ZNF366: variants seen among roughly 807,000 people sequenced by gnomAD.
ZNF366 encodes the protein zinc finger protein 366.
Under a neutral mutation model 47.2 loss-of-function variants are expected in ZNF366, and 20 were observed. That is an observed-to-expected ratio of 0.42 (90% CI 0.30 to 0.62). The LOEUF (loss-of-function observed/expected upper bound fraction) is 0.62, where lower values mean the gene tolerates loss of function less well. ZNF366 is among the 20% of genes least tolerant of loss of function. ZNF366 has a pLI of 0.16. For missense variants in ZNF366, 987 were observed against 976.3 expected, an observed-to-expected ratio of 1.01 and a Z score of -0.15; for synonymous variants, 421 against 395.1, an observed-to-expected ratio of 1.07 and a Z score of -0.78.
At chr5:72,490,500 G>A (rs1252422391) in intron 1 of ZNF366, among the ~76,000 whole-genome samples, 1 of 152,184 alleles carries the variant, frequency 6.6e-6, no homozygotes, top group African/African-American at 2.4e-5. Flanking sequence ...GAGGAGACAT[G>A]CTGAAAGATG....
At chr5:72,489,240 T>C (rs1417911249) in intron 1 of ZNF366, among the ~76,000 whole-genome samples, 1 of 151,582 alleles carries the variant, frequency 6.6e-6, no homozygotes, top group Non-Finnish European at 1.5e-5. Flanking sequence ...AAAAAAGAAA[T>C]AGTCCACAAT....
chr5:72,476,888 T>C (rs1050236795), intron 1 of ZNF366, among the ~76,000 whole-genome samples: 2 of 152,106 alleles, frequency 1.3e-5, no homozygotes, highest in Non-Finnish European at 2.9e-5. Context: ...GGCAGGATGC[T>C]TTCTCTCTGC....
Position 72,481,219 on chromosome 5 carries a change from G to A in ZNF366, c.-14-19709C>T, listed in dbSNP as rs187364993. Among the ~76,000 whole-genome samples the A allele has an allele frequency of 3.3e-3, 497 of 152,138 alleles. 2 individuals are homozygous for A. Among genetic ancestry groups the A allele is most frequent in the African/African-American group, 0.012 (478 of 41,500 alleles). ...ATATATTAAAAGACAAAATGTGTTGGTACCCGAATTAGATTAAGGTGAACA... is the reference window on the plus strand; with the variant it reads ...ATATATTAAAAGACAAAATGTGTTGATACCCGAATTAGATTAAGGTGAACA... On this transcript the variant is annotated intron_variant, in intron 1 of 4. Coordinates refer to ENST00000318442, the MANE Select transcript of ZNF366 (RefSeq NM_152625.3).
chr5:72,498,834 C>T (rs891590330), intron 1 of ZNF366, among the ~76,000 whole-genome samples: 5 of 152,218 alleles, frequency 3.3e-5, no homozygotes, highest in Non-Finnish European at 1.5e-5. Flanking sequence ...ACCACTGCTC[C>T]TCCCAAAATA....
intron 1 of ZNF366, among the ~76,000 whole-genome samples, chr5:72,483,023 C>T (rs1482004082): frequency 1.3e-5 from 2 of 152,156 alleles, no homozygotes. Context: ...GTCCTGTTCT[C>T]TTTCTCTGTA....
chr5:72,453,889 G>A (rs928004568), intron 3 of ZNF366, among the ~76,000 whole-genome samples: 11 of 152,118 alleles, frequency 7.2e-5, no homozygotes, highest in Non-Finnish European at 1.3e-4. Flanking sequence ...TCACAAGAAC[G>A]CCCTTTCACA....
chr5:72,489,829 C>G (rs1743969421), intron 1 of ZNF366, among the ~76,000 whole-genome samples: 2 of 152,200 alleles, frequency 1.3e-5, no homozygotes, highest in Admixed American at 6.5e-5. Flanking sequence ...TCAAGGGAAT[C>G]AGCCAGAAAG....
rs1247994196 is a variant in ZNF366 at position 72,507,238 on chromosome 5, A to G, written c.-15+13T>C. Reference sequence around the variant, plus strand: ...TTGAAAAGGAAGCAGAAATGATTGCATGGGTAACTTACCAGCTCCTGAGGT... The same window carrying G: ...TTGAAAAGGAAGCAGAAATGATTGCGTGGGTAACTTACCAGCTCCTGAGGT... On this transcript the variant is annotated intron_variant, in intron 1 of 4. Coordinates refer to ENST00000318442, the MANE Select transcript of ZNF366 (RefSeq NM_152625.3). 1.0e-6 allele frequency: 1 copy of G among 985,414 alleles called. No homozygotes were observed. Among genetic ancestry groups the G allele is most frequent in the African/African-American group, 1.7e-5 (1 of 57,236 alleles). 61.0% of individuals were successfully genotyped at this position (985,414 alleles called of 1,614,324 possible).
intron 3 of ZNF366, among the ~76,000 whole-genome samples, chr5:72,451,415 T>C (rs1743068475): frequency 6.6e-6 from 1 of 152,074 alleles, no homozygotes; most frequent in Non-Finnish European, 1.5e-5. Flanking sequence ...GATGTCAGAG[T>C]AGTGAGAGGA....
chr5:72,495,668 C>T (rs1037995003), intron 1 of ZNF366, among the ~76,000 whole-genome samples: 1 of 152,130 alleles, frequency 6.6e-6, no homozygotes, highest in East Asian at 1.9e-4. Flanking sequence ...AGAGGAATGT[C>T]GGCAGGCGAG....
At chr5:72,492,076 C>T (rs982973889) in intron 1 of ZNF366, among the ~76,000 whole-genome samples, 7 of 152,104 alleles carry the variant, frequency 4.6e-5, no homozygotes, top group African/African-American at 1.7e-4. Context: ...GCTGGAGTTC[C>T]CTAGTATGTT....
chr5:72,458,117 C>T (rs1025873636), intron 2 of ZNF366, among the ~76,000 whole-genome samples: 11 of 148,490 alleles, frequency 7.4e-5, no homozygotes, highest in South Asian at 4.3e-4. Flanking sequence ...CCTGGGTTCA[C>T]GCCATTCTCC....
At chr5:72,447,595 G>A (rs1164206607) in intron 3 of ZNF366, among the ~76,000 whole-genome samples, 178 bp from the exon 4 acceptor site, 1 of 152,192 alleles carries the variant, frequency 6.6e-6, no homozygotes, top group Non-Finnish European at 1.5e-5. Context: ...AGTAGGGGTA[G>A]ATTCATGAGA....
chr5:72,496,100 T>A (rs1408455786), intron 1 of ZNF366, among the ~76,000 whole-genome samples: 2 of 152,188 alleles, frequency 1.3e-5, no homozygotes, highest in Non-Finnish European at 2.9e-5. Flanking sequence ...CCTCATTTTT[T>A]TTCAAGTTAA....
rs73104492 is a variant in ZNF366 at position 72,461,421 on chromosome 5, G to C, written c.76C>G (p.Pro26Ala). 2 of 1,611,426 alleles carry C rather than the reference G, an allele frequency of 1.2e-6. No individual in the cohort carries two copies. The highest frequency in any genetic ancestry group is 4.5e-5 in the East Asian group (2 of 44,788). ...DLAVKKTPSF[P>A]HCLQPVASRG... ...GAAGCCACTGGCTGCAGGCAGTGGG[G>C]AAAGGAGGGGGTCTTCTTCACAGCC... Residue 26 changes from proline to alanine, a missense_variant, in exon 2 of 5, where the codon CCC becomes GCC. Physicochemically the swap from Pro to Ala is conservative, Grantham distance 27. Transcript: ENST00000318442.
At chr5:72,481,946 C>T (rs1053511678) in intron 1 of ZNF366, among the ~76,000 whole-genome samples, 18 of 152,030 alleles carry the variant, frequency 1.2e-4, no homozygotes, top group African/African-American at 3.9e-4. Context: ...TTCATTCATC[C>T]GATAGAGGCA....
At chr5:72,480,533 C>A (rs1356509202) in intron 1 of ZNF366, among the ~76,000 whole-genome samples, 2 of 152,016 alleles carry the variant, frequency 1.3e-5, no homozygotes, top group Admixed American at 1.3e-4. Flanking sequence ...TTATCACTAA[C>A]CTTCTCTAAC....
At chr5:72,452,079 G>T (rs4703889) in intron 3 of ZNF366, among the ~76,000 whole-genome samples, 7 of 152,290 alleles carry the variant, frequency 4.6e-5, no homozygotes, top group African/African-American at 1.7e-4. Flanking sequence ...CAGCCAGCCT[G>T]GTGTGAGCTT....
At chr5:72,447,039 T>C (rs1435595416) in intron 4 of ZNF366, among the ~76,000 whole-genome samples, 1 of 152,258 alleles carries the variant, frequency 6.6e-6, no homozygotes, top group Non-Finnish European at 1.5e-5. Flanking sequence ...ATCATGATGA[T>C]AGTCCAATTT....
Sources: allele counts gnomAD v4.1 joint callset (sites outside exome capture counted in the v4.1 genomes callset), GRCh38; gene constraint gnomAD v4.1.1; transcripts MANE v1.5; gene names NCBI Gene and HGNC (gene_info 2026-07-23, HGNC 2026-07-21).